Variants in KLHL33 observed in about 807,000 individuals in gnomAD.
KLHL33 encodes the protein kelch-like protein 33.
In KLHL33, 46 loss-of-function variants were observed where a neutral mutation model predicts 60.8. The observed-to-expected ratio is 0.76, with a 90% confidence interval of 0.60 to 0.97. KLHL33 has a LOEUF of 0.97. Ranked by LOEUF, KLHL33 falls within the 50% of genes least tolerant of loss-of-function variation. The pLI, the probability that KLHL33 is intolerant of heterozygous loss-of-function variation, is 0.00. For missense variants in KLHL33, 1,055 were observed against 1,000.0 expected (o/e 1.05, Z -0.74); for synonymous variants, 434 against 432.2 (o/e 1.00, Z -0.05).
At chr14:20,434,232 AT>A (rs1406718839) in intron 2 of KLHL33, among the ~76,000 whole-genome samples, 1 of 152,204 alleles carries the variant, frequency 6.6e-6, no homozygotes, top group Non-Finnish European at 1.5e-5. Flanking sequence ...TTTCCTGGTG[AT>A]GAGCAGAGTT....
rs1341516906 is a variant in KLHL33 at position 20,427,341 on chromosome 14, A to G, written c.*1508T>C. 3 of 152,168 alleles carry G rather than the reference A, an allele frequency of 2.0e-5. No homozygotes were observed. Among genetic ancestry groups the G allele is most frequent in the African/African-American group, 7.2e-5 (3 of 41,434 alleles). The allele number at this position is 152,168 out of a possible 1,614,324, so 9.4% of individuals were successfully genotyped here. ...GAGGTGAGTCATAGAGGGCGGGAAT[A>G]CACAATCATTAAGTGAAAGCCATTA... is the stretch of plus-strand genomic sequence containing the variant. On this transcript the variant is annotated 3_prime_UTR_variant, in exon 5 of 5. Transcript: ENST00000636854.
At position 20,435,363 on chromosome 14, in the gene KLHL33, G is replaced by C; in HGVS notation, c.449C>G (p.Pro150Arg). 1 of 1,234,272 alleles carries C rather than the reference G, an allele frequency of 8.1e-7. No individual in the cohort carries two copies. The highest frequency in any genetic ancestry group is 1.0e-6 in the Non-Finnish European group (1 of 988,116). The allele number at this position is 1,234,272 out of a possible 1,614,324, so 76.5% of individuals were successfully genotyped here. A position where few individuals can be genotyped will look rare whatever the true frequency, so the allele number is the denominator to read the frequency against. Residue 150 changes from proline to arginine, a missense_variant, in exon 2 of 5, where the codon CCC becomes CGC. Transcript: ENST00000636854. ...DRLLGGGGPR[P>R]PFSLEVSPGG... is the part of the protein sequence containing the mutation. ...TGGGGACACCTCGAGGCTGAAGGGG[G>C]GCCGCGGACCTCCGCCGCCCAGCAG...
Position 20,427,231 on chromosome 14 carries a change from G to T in KLHL33, c.*1618C>A, listed in dbSNP as rs1376856476. 1.3e-5 allele frequency: 2 copies of T among 148,500 alleles called. No individual in the cohort carries two copies. The highest frequency in any genetic ancestry group is 3.0e-5 in the Non-Finnish European group (2 of 66,794). The allele number at this position is 148,500 out of a possible 1,614,324, so 9.2% of individuals were successfully genotyped here. The stretch of plus-strand genomic sequence containing the variant: ...AAAAAAAAAAAAGAAAAAGAAAATT[G>T]ACCTAAACACACACAAAAAAACTGA... On this transcript the variant is annotated 3_prime_UTR_variant, in exon 5 of 5. Coordinates refer to ENST00000636854, the MANE Select transcript of KLHL33 (RefSeq NM_001365790.2).
Position 20,429,172 on chromosome 14 carries a change from C to G in KLHL33, c.2071G>C (p.Gly691Arg), listed in dbSNP as rs1397632778. 11 of 1,551,614 alleles carry G rather than the reference C, an allele frequency of 7.1e-6. No homozygotes were observed. Among genetic ancestry groups the G allele is most frequent in the African/African-American group, 1.4e-5 (1 of 73,052 alleles). Reference sequence around the variant, plus strand: ...AAGCTTAGCAGGTCCTCAGTCTCACCCAGCCCACCTGCCACATACAACCTC... The same window carrying G: ...AAGCTTAGCAGGTCCTCAGTCTCACGCAGCCCACCTGCCACATACAACCTC... The part of the protein sequence containing the change: ...GGRLYVAGGL[G>R]ETEDLLSFEA... The change falls in exon 5 of 5, where the codon GGT becomes CGT. Residue 691 changes from glycine to arginine, a missense_variant. Transcript: ENST00000636854.
At position 20,425,901 on chromosome 14, in the gene KLHL33, C is replaced by CA. The variant is rs1279914494; in HGVS notation, c.*2947dup. ...TAAGTCTGCCTTTAGGTACAAATCA[C>CA]AAAAAATGTTCATAGAAGTTCATCC... On this transcript the variant is annotated 3_prime_UTR_variant, in exon 5 of 5. Coordinates refer to ENST00000636854, the MANE Select transcript of KLHL33 (RefSeq NM_001365790.2). The CA allele has an allele frequency of 6.6e-6, 1 of 152,100 alleles. No individual in the cohort carries two copies. The highest frequency in any genetic ancestry group is 2.4e-5 in the African/African-American group (1 of 41,412). The allele number at this position is 152,100 out of a possible 1,614,324, so 9.4% of individuals were successfully genotyped here. A position where few individuals can be genotyped will look rare whatever the true frequency, so the allele number is the denominator to read the frequency against.
Position 20,429,922 on chromosome 14 carries a change from GC to G in KLHL33, c.1545del (p.Gln516SerfsTer122). 1 of 1,551,752 alleles carries G rather than the reference GC, an allele frequency of 6.4e-7. No homozygotes were observed. Among genetic ancestry groups the G allele is most frequent in the Non-Finnish European group, 8.7e-7 (1 of 1,147,022 alleles). ...GVGLVRTVEW[G>X]QLPALPAPGR... ...CCGGGGGCAGGCAGGGCAGGCAGCT[GC>G]CCCCACTCAACAGTTCGTACCAGTC... On this transcript the variant is annotated frameshift_variant, in exon 3 of 5. Transcript: ENST00000636854. LOFTEE classifies it high-confidence loss of function.
At chr14:20,431,066 A>G (rs1880497670) in intron 2 of KLHL33, among the ~76,000 whole-genome samples, 1 of 152,244 alleles carries the variant, frequency 6.6e-6, no homozygotes, top group Admixed American at 6.5e-5. Flanking sequence ...TCAGAAAAAG[A>G]GTCTTCATGG....
chr14:20,431,462 C>T (rs1170538570), intron 2 of KLHL33, among the ~76,000 whole-genome samples: 1 of 151,250 alleles, frequency 6.6e-6, no homozygotes. Context: ...TGTCGTGGCA[C>T]ACACCTGTAA....
At position 20,435,274 on chromosome 14, in the gene KLHL33, C is replaced by G. The variant is rs374606404; in HGVS notation, c.538G>C (p.Asp180His). 2.4e-4 allele frequency: 298 copies of G among 1,234,474 alleles called. 2 individuals are homozygous for G. In the South Asian group the frequency reaches 6.4e-3, roughly 27 times the overall value. The allele number at this position is 1,234,474 out of a possible 1,614,324, so 76.5% of individuals were successfully genotyped here. ...AGCGCCTCTGCTGCGGCCAGCACAT[C>G]CCCCTGCGAGGCGGGGCCCAGCACC... The part of the protein sequence containing the change: ...EGVLGPASQG[D>H]VLAAAEALGA... The change falls in exon 2 of 5, where the codon GAT becomes CAT. Residue 180 changes from aspartate (D) to histidine (H), a missense_variant. Coordinates refer to ENST00000636854, the MANE Select transcript of KLHL33 (RefSeq NM_001365790.2).
chr14:20,432,249 G>A (rs1880530094), intron 2 of KLHL33, among the ~76,000 whole-genome samples: 1 of 151,998 alleles, frequency 6.6e-6, no homozygotes, highest in Admixed American at 6.6e-5. Context: ...AGATTAGCTG[G>A]GACTACAGGT....
Position 20,429,338 on chromosome 14 carries a change from C to T in KLHL33, c.1905G>A (p.Leu635=). 1 of 1,551,784 alleles carries T rather than the reference C, an allele frequency of 6.4e-7. No individual in the cohort carries two copies. The highest frequency in any genetic ancestry group is 1.2e-5 in the South Asian group (1 of 84,066). Residue 635 remains leucine, a synonymous_variant, in exon 5 of 5, where the codon TTG becomes TTA. Coordinates refer to ENST00000636854, the MANE Select transcript of KLHL33 (RefSeq NM_001365790.2). ...AHAAAILEGQ[L]YVSGGCGGTG... is the part of the protein sequence containing the mutation. ...TCCCACCACAGCCACCGCTCACGTACAACTGGCCCTCCAAAATCGCAGCTG... is the reference window on the plus strand; with the variant it reads ...TCCCACCACAGCCACCGCTCACGTATAACTGGCCCTCCAAAATCGCAGCTG...
At position 20,429,189 on chromosome 14, in the gene KLHL33, T is replaced by C. The variant is rs1227223567; in HGVS notation, c.2054A>G (p.Tyr685Cys). 1 of 1,551,554 alleles carries C rather than the reference T, an allele frequency of 6.4e-7. No homozygotes were observed. The highest frequency in any genetic ancestry group is 2.4e-5 in the East Asian group (1 of 40,884). ...HVMAALGGRLYVAGGLGETED... is the reference protein window; with the variant it reads ...HVMAALGGRLCVAGGLGETED... ...AGTCTCACCCAGCCCACCTGCCACA[T>C]ACAACCTCCCACCCAATGCAGCCAT... The change falls in exon 5 of 5, where the codon TAT (tyrosine) becomes TGT (cysteine). Residue 685 changes from tyrosine to cysteine, a missense_variant. Tyr to Cys is a radical substitution (Grantham distance 194, BLOSUM62 -2). Transcript: ENST00000636854.
At chr14:20,433,433 A>C (rs763849550) in intron 2 of KLHL33, among the ~76,000 whole-genome samples, 1 of 152,196 alleles carries the variant, frequency 6.6e-6, no homozygotes, top group Non-Finnish European at 1.5e-5. Context: ...CTGTCTTTTA[A>C]GCAGTAGGTA....
At position 20,426,432 on chromosome 14, in the gene KLHL33, T is replaced by C. The variant is rs1328361531; in HGVS notation, c.*2417A>G. On this transcript the variant is annotated 3_prime_UTR_variant, in exon 5 of 5. Transcript: ENST00000636854. ...ATCACTTGAACTCAGGAGGAAGAGT[T>C]TGCGGTGAGCTGAGATCACGCCATT... The C allele has an allele frequency of 1.3e-5, 2 of 149,230 alleles. No individual in the cohort carries two copies. The highest frequency in any genetic ancestry group is 2.5e-5 in the African/African-American group (1 of 40,254). The allele number at this position is 149,230 out of a possible 1,614,324, so 9.2% of individuals were successfully genotyped here.
chr14:20,433,819 T>C (rs1203520295), intron 2 of KLHL33, among the ~76,000 whole-genome samples: 3 of 152,206 alleles, frequency 2.0e-5, no homozygotes, highest in African/African-American at 4.8e-5. Flanking sequence ...GTTTTCCTTC[T>C]AGGAGTCCCA....
rs1386920443 is a variant in KLHL33, at chr14:20,427,450, T to C, written c.*1399A>G. The C allele has an allele frequency of 1.3e-5, 2 of 152,180 alleles. No individual in the cohort carries two copies. The highest frequency in any genetic ancestry group is 4.8e-5 in the African/African-American group (2 of 41,426). 9.4% of individuals were successfully genotyped at this position (152,180 alleles called of 1,614,324 possible). A position where few individuals can be genotyped will look rare whatever the true frequency, so the allele number is the denominator to read the frequency against. ...AGCCTCTGGAATACCCACTTCCTCTTTGCTATGGAGAAACAGGGCATGGCA... is the reference window on the plus strand; with the variant it reads ...AGCCTCTGGAATACCCACTTCCTCTCTGCTATGGAGAAACAGGGCATGGCA... On this transcript the variant is annotated 3_prime_UTR_variant, in exon 5 of 5. Coordinates refer to ENST00000636854, the MANE Select transcript of KLHL33 (RefSeq NM_001365790.2).
intron 2 of KLHL33, among the ~76,000 whole-genome samples, chr14:20,431,657 G>C (rs1880513146): frequency 6.6e-6 from 1 of 152,228 alleles, no homozygotes; most frequent in Admixed American, 6.5e-5. Flanking sequence ...AACCTGGGAG[G>C]CGAGGGTTGC....
At position 20,435,415 on chromosome 14, in the gene KLHL33, C is replaced by A; in HGVS notation, c.397G>T (p.Ala133Ser). 1 of 1,234,384 alleles carries A rather than the reference C, an allele frequency of 8.1e-7. No homozygotes were observed. The highest frequency in any genetic ancestry group is 1.0e-6 in the Non-Finnish European group (1 of 988,166). The allele number at this position is 1,234,384 out of a possible 1,614,324, so 76.5% of individuals were successfully genotyped here. A position where few individuals can be genotyped will look rare whatever the true frequency, so the allele number is the denominator to read the frequency against. ...CTGTCTCGGAAGAGGCTGCTGATTG[C>A]GGCCAGGATCACCCGATGCACCCCG... ...VYGVHRVILA[A>S]ISSLFRDRLL... Residue 133 changes from alanine (A) to serine (S), a missense_variant, in exon 2 of 5, where the codon GCA becomes TCA. By Grantham distance (99) the Ala-to-Ser change is moderately conservative. Coordinates refer to ENST00000636854, the MANE Select transcript of KLHL33 (RefSeq NM_001365790.2).
Position 20,429,042 on chromosome 14 carries a change from A to G in KLHL33, c.2201T>C (p.Leu734Pro), listed in dbSNP as rs571776324. ...ATAAGTACGGTGACTGTAGCCCCCG[A>G]GCACCAGTAGCTCCCCCTGCAGCAC... ...SAVLQGELLVLGGYSHRTYAL... is the reference protein window; with the variant it reads ...SAVLQGELLVPGGYSHRTYAL... The change falls in exon 5 of 5, where the codon CTC (leucine) becomes CCC (proline). Residue 734 changes from leucine (L) to proline (P), a missense_variant. Transcript: ENST00000636854. 6.4e-7 allele frequency: 1 copy of G among 1,551,690 alleles called. No homozygotes were observed. The highest frequency in any genetic ancestry group is 8.7e-7 in the Non-Finnish European group (1 of 1,146,984).
Sources: gnomAD v4.1 joint callset for allele counts (sites outside exome capture counted in the v4.1 genomes callset) on GRCh38, gnomAD v4.1.1 for gene constraint, MANE v1.5 for transcripts, NCBI Gene and HGNC (gene_info 2026-07-23, HGNC 2026-07-21) for gene names.